NRXN1: variants seen among roughly 807,000 people sequenced by gnomAD.
NRXN1 encodes the protein neurexin 1.
Under a neutral mutation model 150.9 loss-of-function variants are expected in NRXN1, and 39 were observed. The ratio of observed to expected loss-of-function variants is 0.26; its 90% CI spans 0.20 to 0.34. The LOEUF (loss-of-function observed/expected upper bound fraction) is 0.34, where lower values mean the gene tolerates loss of function less well. NRXN1 is among the 10% of genes least tolerant of loss of function. NRXN1 has a pLI of 1.00. For synonymous variants in NRXN1, 924 were observed against 757.0 expected (o/e 1.22, Z -3.62); for missense variants, 1,815 against 1,949.9 (o/e 0.93, Z 1.30).
At chr2:50,977,894 T>C (rs897680551) in intron 2 of NRXN1, among the ~76,000 whole-genome samples, 1 of 151,838 alleles carries the variant, frequency 6.6e-6, no homozygotes, top group African/African-American at 2.4e-5. Flanking sequence ...TTATCATTTT[T>C]AAAGTGTTAA....
Position 50,446,984 on chromosome 2 carries a change from T to C in NRXN1, c.3364+18458A>G, listed in dbSNP as rs565995656. 3.5e-4 allele frequency among the ~76,000 whole-genome samples: 54 copies of C among 152,218 alleles called. No homozygotes were observed. In the South Asian group the frequency reaches 5.4e-3, roughly 15 times the overall value. ...CATGCAATTCAGGTAATGCAATCCT[T>C]TATCTTCTTGTTAAATAAAATTATC... On this transcript the variant is annotated intron_variant, in intron 17 of 22. Coordinates refer to ENST00000401669, the MANE Select transcript of NRXN1 (RefSeq NM_001330078.2).
intron 21 of NRXN1, among the ~76,000 whole-genome samples, chr2:49,949,941 A>G (rs1673627685): frequency 6.6e-6 from 1 of 151,844 alleles, no homozygotes; most frequent in Non-Finnish European, 1.5e-5. Flanking sequence ...TTCATGAATG[A>G]ATCTAATAGT....
rs1377236 is a variant in NRXN1 at position 50,072,614 on chromosome 2, T to C, written c.3719-17570A>G. On this transcript the variant is annotated intron_variant, in intron 19 of 22. Transcript: ENST00000401669. ...TAAATAGTCATGGCAAAAAAAAAAA[T>C]AAAACAGCAACTTTCACTGTTAATT... Among the ~76,000 whole-genome samples, 9 of 140,130 alleles carry C rather than the reference T, an allele frequency of 6.4e-5. No homozygotes were observed. The East Asian group carries it at 8.1e-4, about 13-fold the overall frequency. The allele number at this position is 140,130 out of a possible 152,430, so 91.9% of individuals were successfully genotyped here. A position where few individuals can be genotyped will look rare whatever the true frequency, so the allele number is the denominator to read the frequency against.
rs576073865 is a variant in NRXN1 at position 50,084,285 on chromosome 2, C to A, written c.3718+7038G>T. On this transcript the variant is annotated intron_variant, in intron 19 of 22. Coordinates refer to ENST00000401669, the MANE Select transcript of NRXN1 (RefSeq NM_001330078.2). ...CGCGGAGCAGGGGGCCGCACAGGAG[C>A]CCGTGGCGGGGGGACACTGGGGAGG... Among the ~76,000 whole-genome samples the A allele has an allele frequency of 5.1e-3, 774 of 152,318 alleles. 10 individuals carry two copies. Among genetic ancestry groups the A allele is most frequent in the African/African-American group, 0.017 (716 of 41,578 alleles).
Position 49,919,840 on chromosome 2 carries a change from A to G in NRXN1, c.*2104T>C, listed in dbSNP as rs1667896296. ...ATAGTGGTGATTTGCTATGAATTATACATATTTCTAAGGTGCTGTATGTCT... is the reference window on the plus strand; with the variant it reads ...ATAGTGGTGATTTGCTATGAATTATGCATATTTCTAAGGTGCTGTATGTCT... On this transcript the variant is annotated 3_prime_UTR_variant, in exon 23 of 23. Transcript: ENST00000401669. 1.3e-5 allele frequency: 2 copies of G among 152,192 alleles called. No homozygotes were observed. The highest frequency in any genetic ancestry group is 4.8e-5 in the African/African-American group (2 of 41,476). 9.4% of individuals were successfully genotyped at this position (152,192 alleles called of 1,614,324 possible).
intron 5 of NRXN1, among the ~76,000 whole-genome samples, chr2:50,893,401 G>T (rs984597035): frequency 6.6e-6 from 1 of 152,102 alleles, no homozygotes; most frequent in Non-Finnish European, 1.5e-5. Flanking sequence ...TTTGACATTT[G>T]TGAATAATTT....
Position 50,116,315 on chromosome 2 carries a change from A to G in NRXN1, c.3547-24821T>C, listed in dbSNP as rs553152032. Among the ~76,000 whole-genome samples the G allele has an allele frequency of 4.0e-4, 61 of 152,224 alleles. 2 individuals are homozygous for G. The South Asian group carries it at 0.013, about 32-fold the overall frequency. ...GTTAAAGTTATTATCTGAACCTCAT[A>G]GGGCTAATTAGAGATACAACCTGAA... On this transcript the variant is annotated intron_variant, in intron 18 of 22. Coordinates refer to ENST00000401669, the MANE Select transcript of NRXN1 (RefSeq NM_001330078.2).
At chr2:50,193,190 C>T (rs533991255) in intron 18 of NRXN1, among the ~76,000 whole-genome samples, 172 of 151,970 alleles carry the variant, frequency 1.1e-3, no homozygotes, top group African/African-American at 3.9e-3. Flanking sequence ...TTTGATGATC[C>T]TTCCATATCC....
intron 18 of NRXN1, among the ~76,000 whole-genome samples, chr2:50,098,830 G>GTTTTTTTTTTTTTTTTTTTTTTTTTTTT (rs746736925): frequency 2.8e-5 from 3 of 105,538 alleles, no homozygotes; most frequent in Non-Finnish European, 5.8e-5. Flanking sequence ...TTTGGTTTTA[G>GTTTTTTTTTTTTTTTTTTTTTTTTTTTT]TTTTTTTTTT....
At chr2:50,599,361 G>T (rs1573728998) in intron 8 of NRXN1, among the ~76,000 whole-genome samples, 1 of 152,274 alleles carries the variant, frequency 6.6e-6, no homozygotes, top group Non-Finnish European at 1.5e-5. Flanking sequence ...CCTTTAGAAG[G>T]TGGTCACTAC....
chr2:50,489,301 C>A (rs1201590345), intron 15 of NRXN1, among the ~76,000 whole-genome samples: 2 of 152,120 alleles, frequency 1.3e-5, no homozygotes, highest in Non-Finnish European at 2.9e-5. Flanking sequence ...GGGTTGGGAT[C>A]TTTAAAGTTT....
intron 5 of NRXN1, among the ~76,000 whole-genome samples, chr2:50,805,402 C>A (rs1269109572): frequency 6.6e-6 from 1 of 152,102 alleles, no homozygotes; most frequent in Admixed American, 6.6e-5. Context: ...AGCCTGTAAT[C>A]CCAGCACTGT....
intron 18 of NRXN1, chr2:50,174,823 CAGA>C (rs2060252663): frequency 6.6e-6 from 1 of 151,924 alleles, no homozygotes; most frequent in Non-Finnish European, 1.5e-5. Context: ...TTTAAAAAGC[CAGA>C]AGAACAACAG....
chr2:50,979,038 T>C (rs1026085443), intron 2 of NRXN1, among the ~76,000 whole-genome samples: 1 of 152,114 alleles, frequency 6.6e-6, no homozygotes, highest in African/African-American at 2.4e-5. Context: ...ATAACTCATA[T>C]GTCCCAACTC....
At chr2:50,603,780 C>T (rs1215879814) in intron 8 of NRXN1, among the ~76,000 whole-genome samples, 11 of 152,090 alleles carry the variant, frequency 7.2e-5, no homozygotes, top group African/African-American at 2.4e-4. Context: ...AAGATGAAAA[C>T]CCTAGTGCTC....
At chr2:50,693,788 A>C (rs1692407616) in intron 5 of NRXN1, among the ~76,000 whole-genome samples, 1 of 152,070 alleles carries the variant, frequency 6.6e-6, no homozygotes. Flanking sequence ...TAATTAATTA[A>C]TTAATTTTGA....
chr2:50,171,644 G>A (rs2060037700), intron 18 of NRXN1, among the ~76,000 whole-genome samples: 1 of 152,056 alleles, frequency 6.6e-6, no homozygotes, highest in Non-Finnish European at 1.5e-5. Flanking sequence ...CTACTTAGAT[G>A]CCACAAAAAA....
intron 22 of NRXN1, among the ~76,000 whole-genome samples, chr2:49,940,390 A>C (rs1671774368): frequency 6.6e-6 from 1 of 152,236 alleles, no homozygotes; most frequent in South Asian, 2.1e-4. Flanking sequence ...AGCAGCTAGA[A>C]TTATCCAATG....
chr2:50,155,125 G>C (rs2058935994), intron 18 of NRXN1, among the ~76,000 whole-genome samples: 1 of 151,518 alleles, frequency 6.6e-6, no homozygotes, highest in African/African-American at 2.4e-5. Flanking sequence ...TACTGCCCCA[G>C]TAATGCGATT....
Sources: gnomAD v4.1 joint callset for allele counts (sites outside exome capture counted in the v4.1 genomes callset) on GRCh38, gnomAD v4.1.1 for gene constraint, MANE v1.5 for transcripts, NCBI Gene and HGNC (gene_info 2026-07-23, HGNC 2026-07-21) for gene names.